The following ASCC3 variants were observed in gnomAD, a reference collection of about 807,000 sequenced individuals.
The protein encoded by ASCC3 is ASC-1 complex subunit P200.
Under a neutral mutation model 256.3 loss-of-function variants are expected in ASCC3, and 158 were observed. The observed-to-expected ratio is 0.62, with a 90% CI of 0.54 to 0.70. ASCC3 has a LOEUF of 0.70. ASCC3 is among the 30% of genes least tolerant of loss of function. The pLI is 0.00. For missense variants in ASCC3, 2,259 were observed against 2,626.0 expected, an observed-to-expected ratio of 0.86 and a Z score of 3.05; for synonymous variants, 948 against 883.4, an observed-to-expected ratio of 1.07 and a Z score of -1.30.
At chr6:100,714,972 T>A (rs1016986551) in intron 13 of ASCC3, among the ~76,000 whole-genome samples, 2 of 152,028 alleles carry the variant, frequency 1.3e-5, no homozygotes, top group Non-Finnish European at 2.9e-5. Flanking sequence ...AAGGCTCACA[T>A]TGTTTTAAGA....
chr6:100,842,086 T>A (rs1772170446), intron 4 of ASCC3, among the ~76,000 whole-genome samples: 1 of 152,196 alleles, frequency 6.6e-6, no homozygotes, highest in Admixed American at 6.6e-5. Flanking sequence ...CAATACATAT[T>A]GGTCCTCATA....
intron 8 of ASCC3, among the ~76,000 whole-genome samples, chr6:100,768,487 A>G (rs1781771099): frequency 6.6e-6 from 1 of 152,204 alleles, no homozygotes; most frequent in Admixed American, 6.5e-5. Context: ...GCAAAACAGA[A>G]AGCCATTTCA....
chr6:100,755,852 A>G (rs930957080), intron 10 of ASCC3, among the ~76,000 whole-genome samples: 3 of 152,174 alleles, frequency 2.0e-5, no homozygotes, highest in Non-Finnish European at 4.4e-5. Flanking sequence ...TTTACATGGT[A>G]TACTTCACAA....
At chr6:100,777,201 A>T (rs980101168) in intron 8 of ASCC3, among the ~76,000 whole-genome samples, 2 of 152,130 alleles carry the variant, frequency 1.3e-5, no homozygotes, top group Non-Finnish European at 2.9e-5. Context: ...TTTTTCATTT[A>T]AAGGTCTTCA....
intron 13 of ASCC3, among the ~76,000 whole-genome samples, chr6:100,710,202 CAAG>C (rs1225975988): frequency 6.6e-6 from 1 of 152,102 alleles, no homozygotes; most frequent in Non-Finnish European, 1.5e-5. Context: ...TTTAGCCAGA[CAAG>C]AAAATAACTT....
At chr6:100,528,100 C>T (rs577885222) in intron 37 of ASCC3, among the ~76,000 whole-genome samples, 11 of 152,172 alleles carry the variant, frequency 7.2e-5, no homozygotes, top group African/African-American at 1.2e-4. Context: ...CAGCTCCCCC[C>T]TGTTGGGATC....
At chr6:100,553,492 T>C (rs1390974958) in intron 36 of ASCC3, among the ~76,000 whole-genome samples, 1 of 152,090 alleles carries the variant, frequency 6.6e-6, no homozygotes, top group African/African-American at 2.4e-5. Context: ...GAGTCCATTA[T>C]ATTTTTATGT....
At position 100,679,567 on chromosome 6, in the gene ASCC3, G is replaced by A. The variant is rs753500440; in HGVS notation, c.2286+51C>T. ...TGGATCTTTCACATATAAAATACCC[G>A]GGATATGTGGCATGTTACATGCTTT... On this transcript the variant is annotated intron_variant, in intron 14 of 41. Coordinates refer to ENST00000369162, the MANE Select transcript of ASCC3 (RefSeq NM_006828.4). The A allele has an allele frequency of 7.0e-5, 112 of 1,608,374 alleles. 2 individuals are homozygous for A. In the Admixed American group the frequency reaches 1.3e-3, roughly 19 times the overall value.
chr6:100,753,266 G>A lies in ASCC3; in HGVS notation c.1737+13299C>T, dbSNP rs1781020702. On this transcript the variant is annotated intron_variant, in intron 10 of 41. Transcript: ENST00000369162. ...TAATTAATATTTTAAATTTGACCAA[G>A]ATCATTGGCAAGTAGTTTTTTGCTA... Among the ~76,000 whole-genome samples the A allele has an allele frequency of 8.8e-5, 13 of 148,342 alleles. No individual in the cohort carries two copies. The South Asian group carries it at 2.8e-3, about 32-fold the overall frequency.
chr6:100,874,628 T>C (rs1403968301), intron 1 of ASCC3, among the ~76,000 whole-genome samples: 1 of 152,110 alleles, frequency 6.6e-6, no homozygotes, highest in African/African-American at 2.4e-5. Flanking sequence ...CACCATATAT[T>C]AGATATTTTA....
intron 4 of ASCC3, among the ~76,000 whole-genome samples, chr6:100,839,877 A>T (rs1208965568): frequency 1.3e-5 from 2 of 152,168 alleles, no homozygotes; most frequent in African/African-American, 2.4e-5. Context: ...AAGTGGGAAA[A>T]AAGCAACATA....
At chr6:100,520,949 C>T (rs1230970844) in intron 37 of ASCC3, among the ~76,000 whole-genome samples, 1 of 152,136 alleles carries the variant, frequency 6.6e-6, no homozygotes, top group African/African-American at 2.4e-5. Flanking sequence ...CCTCTGTTTA[C>T]CCATCTGTCT....
chr6:100,548,866 G>T (rs1275171093), intron 36 of ASCC3, among the ~76,000 whole-genome samples: 1 of 151,854 alleles, frequency 6.6e-6, no homozygotes, highest in Non-Finnish European at 1.5e-5. Context: ...ACTCCGGATA[G>T]TAACAAGCCT....
At chr6:100,563,590 G>T (rs1770068484) in intron 36 of ASCC3, among the ~76,000 whole-genome samples, 1 of 152,094 alleles carries the variant, frequency 6.6e-6, no homozygotes, top group Non-Finnish European at 1.5e-5. Context: ...ACGTGGATTA[G>T]CATGAGCTTC....
chr6:100,772,103 G>C (rs1040022299), intron 8 of ASCC3, among the ~76,000 whole-genome samples: 5 of 151,896 alleles, frequency 3.3e-5, no homozygotes, highest in African/African-American at 7.3e-5. Context: ...GGATGGTCTA[G>C]ATTTACTGAC....
chr6:100,595,732 C>T (rs1026927960), intron 34 of ASCC3, among the ~76,000 whole-genome samples: 2 of 152,142 alleles, frequency 1.3e-5, no homozygotes, highest in Non-Finnish European at 2.9e-5. Flanking sequence ...GAGCAAGTTG[C>T]TTATTCTCCT....
At chr6:100,513,883 A>G (rs401863) in intron 39 of ASCC3, among the ~76,000 whole-genome samples, 3,711 of 151,778 alleles carry the variant, frequency 0.024, 152 homozygotes, top group African/African-American at 0.085. Context: ...TATCACCATC[A>G]GTCAAGAAAA....
Position 100,703,917 on chromosome 6 carries a change from T to C in ASCC3, c.2151+11545A>G, listed in dbSNP as rs555453100. ...AGTACATCAAGTATCAACTATTGTTTTTATATATTAGTTATATACAAATAT... is the reference window on the plus strand; with the variant it reads ...AGTACATCAAGTATCAACTATTGTTCTTATATATTAGTTATATACAAATAT... On this transcript the variant is annotated intron_variant, in intron 13 of 41. Coordinates refer to ENST00000369162, the MANE Select transcript of ASCC3 (RefSeq NM_006828.4). Among the ~76,000 whole-genome samples, 3 of 151,814 alleles carry C rather than the reference T, an allele frequency of 2.0e-5. No individual in the cohort carries two copies. In the East Asian group the frequency reaches 5.8e-4, roughly 29 times the overall value.
chr6:100,754,407 A>C (rs1243512157), intron 10 of ASCC3, among the ~76,000 whole-genome samples: 1 of 152,176 alleles, frequency 6.6e-6, no homozygotes, highest in Non-Finnish European at 1.5e-5. Context: ...ACAGGCAAGC[A>C]ATGAATAATA....
Sources: allele counts gnomAD v4.1 joint callset (sites outside exome capture counted in the v4.1 genomes callset), GRCh38; gene constraint gnomAD v4.1.1; transcripts MANE v1.5; gene names NCBI Gene and HGNC (gene_info 2026-07-23, HGNC 2026-07-21).